SPTBN1: variants seen among roughly 807,000 people sequenced by gnomAD.
SPTBN1 encodes the protein spectrin beta, non-erythrocytic 1.
SPTBN1 carries 32 observed loss-of-function variants against 266.4 expected under a neutral mutation model. That is an observed-to-expected ratio of 0.12 (90% CI 0.09 to 0.16). SPTBN1 has a LOEUF of 0.16. Ranked by LOEUF, SPTBN1 falls within the 10% of genes least tolerant of loss-of-function variation. The probability of loss-of-function intolerance (pLI) is 1.00; values close to 1 mark genes in which losing one functional copy is unlikely to be tolerated. For missense variants in SPTBN1, 2,296 were observed against 3,067.1 expected (o/e 0.75, Z 5.94); for synonymous variants, 1,336 against 1,162.2 (o/e 1.15, Z -3.04).
intron 18 of SPTBN1, among the ~76,000 whole-genome samples, chr2:54,639,375 A>T (rs1343052274): frequency 6.6e-6 from 1 of 152,212 alleles, no homozygotes; most frequent in African/African-American, 2.4e-5. Flanking sequence ...GACTCCCTGT[A>T]ACCTCAGCCC....
In SPTBN1 at chr2:54,487,832, C is replaced by CTTTT. The variant is rs70944169; in HGVS notation, c.-48+31326_-48+31329dup. On this transcript the variant is annotated intron_variant, in intron 1 of 35. Transcript: ENST00000356805. Reference sequence around the variant, plus strand: ...TTCACTTGATGGTCTCCTCCTGTGTCTTTTTTTTTTTTTTTGAGACGGAGT... The same window carrying CTTTT: ...TTCACTTGATGGTCTCCTCCTGTGTCTTTTTTTTTTTTTTTTTTTGAGACGGAGT... 5.7e-4 allele frequency among the ~76,000 whole-genome samples: 39 copies of CTTTT among 68,646 alleles called. 5 individuals carry two copies. Among genetic ancestry groups the CTTTT allele is most frequent in the South Asian group, 2.1e-3 (3 of 1,434 alleles). 45.0% of individuals were successfully genotyped at this position (68,646 alleles called of 152,430 possible). A position where few individuals can be genotyped will look rare whatever the true frequency, so the allele number is the denominator to read the frequency against.
chr2:54,549,460 G>A (rs1040244984), intron 2 of SPTBN1, among the ~76,000 whole-genome samples: 1 of 152,098 alleles, frequency 6.6e-6, no homozygotes, highest in African/African-American at 2.4e-5. Context: ...CGGATCCTTT[G>A]GTTTTAGGGA....
At chr2:54,523,976 G>A (rs1670644607) in intron 1 of SPTBN1, among the ~76,000 whole-genome samples, 2 of 152,076 alleles carry the variant, frequency 1.3e-5, no homozygotes, top group African/African-American at 4.8e-5. Flanking sequence ...AAGGTGGGCA[G>A]ATCACAAGGT....
At chr2:54,663,389 C>T (rs991512334) in intron 32 of SPTBN1, 2 of 152,222 alleles carry the variant, frequency 1.3e-5, no homozygotes, top group African/African-American at 4.8e-5. Context: ...TTTAGTAACT[C>T]GCTAATCGCA....
intron 2 of SPTBN1, among the ~76,000 whole-genome samples, chr2:54,541,501 G>A (rs756913122): frequency 1.3e-5 from 2 of 152,166 alleles, no homozygotes; most frequent in Non-Finnish European, 2.9e-5. Flanking sequence ...AGTTGTTCCC[G>A]TGCAGCTTTG....
chr2:54,479,978 A>T (rs1009396075), intron 1 of SPTBN1, among the ~76,000 whole-genome samples: 2 of 152,036 alleles, frequency 1.3e-5, no homozygotes, highest in African/African-American at 2.4e-5. Flanking sequence ...TTTTAATAAC[A>T]TTAATATTTA....
intron 1 of SPTBN1, among the ~76,000 whole-genome samples, chr2:54,461,930 C>T (rs971026183): frequency 1.3e-5 from 2 of 151,844 alleles, no homozygotes; most frequent in African/African-American, 2.4e-5. Flanking sequence ...AGTATTTTGT[C>T]CTTTAAAGTT....
intron 10 of SPTBN1, 52 bp from the exon 11 acceptor site, chr2:54,624,752 T>G (rs1387670050): frequency 6.2e-7 from 1 of 1,608,412 alleles, no homozygotes; most frequent in Non-Finnish European, 8.5e-7. Context: ...GAAGTTTCCT[T>G]GAACACTGCA....
intron 7 of SPTBN1, among the ~76,000 whole-genome samples, 165 bp downstream of exon 7, chr2:54,618,358 A>C (rs567815205): frequency 6.6e-6 from 1 of 152,368 alleles, no homozygotes; most frequent in South Asian, 2.1e-4. Context: ...GATGACACTC[A>C]AAAAGGCCTT....
At chr2:54,590,868 C>T (rs1007367432) in intron 2 of SPTBN1, among the ~76,000 whole-genome samples, 1 of 152,110 alleles carries the variant, frequency 6.6e-6, no homozygotes, top group Admixed American at 6.6e-5. Flanking sequence ...AGCTGGGGTC[C>T]GTTGAAGGTT....
Position 54,631,148 on chromosome 2 carries a change from T to C in SPTBN1, c.3101T>C (p.Leu1034Pro). Residue 1034 changes from leucine (L) to proline (P), a missense_variant, in exon 16 of 36, where the codon CTG becomes CCG. Coordinates refer to ENST00000356805, the MANE Select transcript of SPTBN1 (RefSeq NM_003128.3). ...SEHPDQAQAI[L>P]SRLAEISDVW... ...CACCCCGACCAGGCCCAGGCCATCC[T>C]GTCTCGGCTGGCCGAGATCAGCGAC... The C allele has an allele frequency of 6.2e-7, 1 of 1,614,160 alleles. No individual in the cohort carries two copies. The highest frequency in any genetic ancestry group is 8.5e-7 in the Non-Finnish European group (1 of 1,180,012).
chr2:54,479,541 T>C (rs980861500), intron 1 of SPTBN1, among the ~76,000 whole-genome samples: 2 of 152,174 alleles, frequency 1.3e-5, no homozygotes, highest in Non-Finnish European at 2.9e-5. Flanking sequence ...GAGACACTTT[T>C]AATAGTTGTA....
intron 17 of SPTBN1, 89 bp downstream of exon 17, chr2:54,632,857 G>T: frequency 6.9e-7 from 1 of 1,443,492 alleles, no homozygotes; most frequent in Admixed American, 2.3e-5. Context: ...GGGAGTTTAG[G>T]TATAAATTTC....
At position 54,518,196 on chromosome 2, in the gene SPTBN1, G is replaced by A. The variant is rs1292907132; in HGVS notation, c.-47-8176G>A. Among the ~76,000 whole-genome samples the A allele has an allele frequency of 2.6e-5, 4 of 152,128 alleles. No individual in the cohort carries two copies. The East Asian group carries it at 7.7e-4, about 29-fold the overall frequency. On this transcript the variant is annotated intron_variant, in intron 1 of 35. Coordinates refer to ENST00000356805, the MANE Select transcript of SPTBN1 (RefSeq NM_003128.3). ...TACCTGAGTAATAATAGGTCAGACA[G>A]GTTATTAAGAAACAGTGGTTTCTTG...
rs1674420860 is a variant in SPTBN1, at chr2:54,575,800, CAACCAAAAGGAGAGGAG to C, written c.149-23289_149-23273del. On this transcript the variant is annotated intron_variant, in intron 2 of 35. Coordinates refer to ENST00000356805, the MANE Select transcript of SPTBN1 (RefSeq NM_003128.3). ...CCTTTGAATCTGTCCACAAACTTCTCAACCAAAAGGAGAGGAGAAATGTGTACAGACATTTGAGAGGC... is the reference window on the plus strand; with the variant it reads ...CCTTTGAATCTGTCCACAAACTTCTCAAATGTGTACAGACATTTGAGAGGC... Among the ~76,000 whole-genome samples, 4 of 152,340 alleles carry C rather than the reference CAACCAAAAGGAGAGGAG, an allele frequency of 2.6e-5. No homozygotes were observed. The South Asian group carries it at 8.3e-4, about 32-fold the overall frequency.
chr2:54,667,416 G>A (rs879882184), intron 34 of SPTBN1, among the ~76,000 whole-genome samples, 188 bp from the exon 35 acceptor site: 22 of 152,142 alleles, frequency 1.4e-4, no homozygotes, highest in Non-Finnish European at 2.5e-4. Flanking sequence ...CGATTATATG[G>A]CTTCTTGATC....
intron 2 of SPTBN1, among the ~76,000 whole-genome samples, chr2:54,539,481 A>G (rs1271337293): frequency 1.3e-5 from 2 of 152,168 alleles, no homozygotes; most frequent in South Asian, 2.1e-4. Flanking sequence ...AGCCTTTCCC[A>G]TCTTTCTCCC....
chr2:54,650,849 A>G (rs1412133837), intron 26 of SPTBN1, among the ~76,000 whole-genome samples: 1 of 152,236 alleles, frequency 6.6e-6, no homozygotes, highest in Non-Finnish European at 1.5e-5. Context: ...CAGGCCACCC[A>G]GATATGGCCT....
At chr2:54,518,890 GTAGTT>G (rs1327325261) in intron 1 of SPTBN1, among the ~76,000 whole-genome samples, 2 of 152,086 alleles carry the variant, frequency 1.3e-5, no homozygotes, top group African/African-American at 2.4e-5. Flanking sequence ...TGAAATCTGA[GTAGTT>G]CAGACAAAAA....
Sources: gnomAD v4.1 joint callset for allele counts (sites outside exome capture counted in the v4.1 genomes callset) on GRCh38, gnomAD v4.1.1 for gene constraint, MANE v1.5 for transcripts, NCBI Gene and HGNC (gene_info 2026-07-23, HGNC 2026-07-21) for gene names.